PUM1: variants seen among roughly 807,000 people sequenced by gnomAD.
The protein encoded by PUM1 is pumilio RNA binding family member 1, also known as pumilio homolog 1.
A neutral mutation model predicts 131.8 loss-of-function variants in PUM1; 13 were observed. That is an observed-to-expected ratio of 0.10 (90% confidence interval 0.06 to 0.16). The LOEUF is 0.16. Ranked by LOEUF, PUM1 falls within the 10% of genes least tolerant of loss-of-function variation. PUM1 has a pLI of 1.00. For synonymous variants in PUM1, 509 were observed against 556.5 expected (o/e 0.91, Z 1.20); for missense variants, 961 against 1,512.4 (o/e 0.64, Z 6.05).
chr1:31,015,347 CT>C (rs1308071061), intron 3 of PUM1, among the ~76,000 whole-genome samples: 58 of 147,744 alleles, frequency 3.9e-4, no homozygotes, highest in Admixed American at 8.2e-4. Flanking sequence ...TTTTCTTTTT[CT>C]TTTTTTTTTT....
At chr1:31,005,007 G>A (rs1159063331) in intron 5 of PUM1, among the ~76,000 whole-genome samples, 1 of 152,220 alleles carries the variant, frequency 6.6e-6, no homozygotes, top group Non-Finnish European at 1.5e-5. Flanking sequence ...AGGAGAAAGG[G>A]AGGGAAGAAG....
intron 14 of PUM1, among the ~76,000 whole-genome samples, chr1:30,962,517 TCTC>T (rs1640457947): frequency 6.6e-6 from 1 of 152,042 alleles, no homozygotes; most frequent in South Asian, 2.1e-4. Context: ...TTCAAGCAAT[TCTC>T]CCACCTCAGC....
At chr1:31,046,093 GA>G (rs1199816953) in intron 2 of PUM1, among the ~76,000 whole-genome samples, 3 of 138,710 alleles carry the variant, frequency 2.2e-5, no homozygotes, top group South Asian at 2.4e-4. Flanking sequence ...AAATAATTTA[GA>G]AAAAAAAAAG....
At chr1:31,038,614 G>T (rs550578060) in intron 2 of PUM1, among the ~76,000 whole-genome samples, 1 of 152,248 alleles carries the variant, frequency 6.6e-6, no homozygotes, top group East Asian at 1.9e-4. Flanking sequence ...AGTCATACAA[G>T]TGGTGAAATA....
rs1639032577 is a variant in PUM1 at position 30,933,298 on chromosome 1, C to T, written c.3480G>A (p.Lys1160=). Residue 1160 remains lysine (K), a synonymous_variant, in exon 22 of 22, where the codon AAG becomes AAA. Coordinates refer to ENST00000426105, the MANE Select transcript of PUM1 (RefSeq NM_001020658.2). The part of the protein sequence containing the change: ...IATLRKYTYG[K]HILAKLEKYY... ...ACTTCTCCAGCTTGGCCAGAATGTG[C>T]TTGCCATAGGTGTACTTACGAAGAG... The T allele has an allele frequency of 5.6e-6, 9 of 1,613,664 alleles. No homozygotes were observed. Among genetic ancestry groups the T allele is most frequent in the Non-Finnish European group, 7.6e-6 (9 of 1,179,820 alleles).
chr1:31,061,534 T>C (rs6676109), intron 1 of PUM1: 46,331 of 151,642 alleles, frequency 0.31, 7,403 homozygotes, highest in Non-Finnish European at 0.34. Flanking sequence ...GAGAATCACT[T>C]GAACCAGGGA....
Position 31,021,186 on chromosome 1 carries a change from G to A in PUM1, c.432+7610C>T, listed in dbSNP as rs140419255. Among the ~76,000 whole-genome samples, 348 of 152,250 alleles carry A rather than the reference G, an allele frequency of 2.3e-3. 2 individuals carry two copies. Among genetic ancestry groups the A allele is most frequent in the African/African-American group, 8.1e-3 (337 of 41,552 alleles). On this transcript the variant is annotated intron_variant, in intron 3 of 21. Transcript: ENST00000426105. ...TAACAGCACTGCTGATTTATTGTTT[G>A]TCTTCTATATTTTTGCAAAAGTAGC...
chr1:30,969,855 G>T (rs894153479), intron 10 of PUM1, among the ~76,000 whole-genome samples: 1 of 152,042 alleles, frequency 6.6e-6, no homozygotes, highest in Admixed American at 6.5e-5. Context: ...TAGAGACAGG[G>T]TCTCACCATG....
intron 2 of PUM1, among the ~76,000 whole-genome samples, chr1:31,032,036 C>T (rs955891128): frequency 6.6e-6 from 1 of 152,128 alleles, no homozygotes; most frequent in African/African-American, 2.4e-5. Flanking sequence ...CCCTCCTGCC[C>T]TACCTCTTAC....
intron 2 of PUM1, among the ~76,000 whole-genome samples, chr1:31,034,040 A>G (rs989633277): frequency 6.6e-6 from 1 of 152,256 alleles, no homozygotes; most frequent in Non-Finnish European, 1.5e-5. Flanking sequence ...ATTACAATTT[A>G]TCCATTTTTC....
chr1:31,022,607 G>T (rs764208256), intron 3 of PUM1, among the ~76,000 whole-genome samples: 18 of 152,082 alleles, frequency 1.2e-4, no homozygotes, highest in Non-Finnish European at 2.1e-4. Context: ...CTCCTATCTC[G>T]TTCCTCAAAG....
At chr1:30,962,321 T>C (rs1225606208) in intron 14 of PUM1, among the ~76,000 whole-genome samples, 1 of 152,244 alleles carries the variant, frequency 6.6e-6, no homozygotes, top group Non-Finnish European at 1.5e-5. Context: ...ATTAAATTGC[T>C]GATGCTTTAG....
intron 20 of PUM1, 110 bp downstream of exon 20, chr1:30,941,041 T>TAC: frequency 1.5e-6 from 2 of 1,304,662 alleles, no homozygotes; most frequent in South Asian, 3.1e-5. Context: ...AAGCTATATA[T>TAC]ACTTTGAAAA....
intron 5 of PUM1, among the ~76,000 whole-genome samples, chr1:31,005,637 A>T (rs1642372742): frequency 6.6e-6 from 1 of 152,148 alleles, no homozygotes; most frequent in Non-Finnish European, 1.5e-5. Flanking sequence ...CCCCCACCAA[A>T]ACATTATTAC....
intron 11 of PUM1, among the ~76,000 whole-genome samples, chr1:30,967,905 G>A (rs1014773180): frequency 2.6e-5 from 4 of 152,104 alleles, no homozygotes; most frequent in African/African-American, 9.7e-5. Context: ...ATGTATCTCA[G>A]AGGTAGACAG....
In PUM1 at chr1:30,941,081, A is replaced by G. The variant is rs1287250665; in HGVS notation, c.3242+70T>C. On this transcript the variant is annotated intron_variant, in intron 20 of 21. Coordinates refer to ENST00000426105, the MANE Select transcript of PUM1 (RefSeq NM_001020658.2). Reference sequence around the variant, plus strand: ...AACAACAACAACAACATTAAAAAATAAGATAATTATAGTTCAATACTACTA... The same window carrying G: ...AACAACAACAACAACATTAAAAAATGAGATAATTATAGTTCAATACTACTA... 3.5e-6 allele frequency: 5 copies of G among 1,417,760 alleles called. No individual in the cohort carries two copies. In the East Asian group the frequency reaches 1.2e-4, roughly 33 times the overall value. The allele number at this position is 1,417,760 out of a possible 1,614,324, so 87.8% of individuals were successfully genotyped here. A position where few individuals can be genotyped will look rare whatever the true frequency, so the allele number is the denominator to read the frequency against.
Position 31,065,655 on chromosome 1 carries a change from A to C in PUM1, c.-51T>G. 6.5e-7 allele frequency: 1 copy of C among 1,549,208 alleles called. No homozygotes were observed. The highest frequency in any genetic ancestry group is 8.7e-7 in the Non-Finnish European group (1 of 1,146,734). On this transcript the variant is annotated 5_prime_UTR_variant, in exon 1 of 22. Transcript: ENST00000426105. ...GATGAAGATGGATTTCAGCCCCCCGATCTTCTCTCTCTGGCGCTCTCGCTC... is the reference window on the plus strand; with the variant it reads ...GATGAAGATGGATTTCAGCCCCCCGCTCTTCTCTCTCTGGCGCTCTCGCTC...
At chr1:30,943,787 T>C (rs150883992) in intron 18 of PUM1, among the ~76,000 whole-genome samples, 1 of 152,350 alleles carries the variant, frequency 6.6e-6, no homozygotes, top group Non-Finnish European at 1.5e-5. Flanking sequence ...ACCTCATTCC[T>C]GTCAGCACAT....
In PUM1 at chr1:31,046,610, C is replaced by T. The variant is rs574210418; in HGVS notation, c.363+12594G>A. Among the ~76,000 whole-genome samples the T allele has an allele frequency of 4.3e-3, 646 of 149,566 alleles. 3 individuals carry two copies. Among genetic ancestry groups the T allele is most frequent in the Non-Finnish European group, 7.7e-3 (519 of 67,618 alleles). ...GTAACTTCCGCCTCCGGGGTTCAAG[C>T]GATTCTCCTGCCTCAGCCTCCTAAG... On this transcript the variant is annotated intron_variant, in intron 2 of 21. Transcript: ENST00000426105.
Sources: gnomAD v4.1 joint callset for allele counts (sites outside exome capture counted in the v4.1 genomes callset) on GRCh38, gnomAD v4.1.1 for gene constraint, MANE v1.5 for transcripts, NCBI Gene and HGNC (gene_info 2026-07-23, HGNC 2026-07-21) for gene names.